Variants in OTC observed in about 807,000 individuals in gnomAD.
OTC encodes ornithine transcarbamylase, mitochondrial.
Under a neutral mutation model 30.3 loss-of-function variants are expected in OTC, and 3 were observed. The ratio of observed to expected loss-of-function variants is 0.10; its 90% CI spans 0.05 to 0.26. OTC has a LOEUF of 0.26. Ranked by LOEUF, OTC falls within the 10% of genes least tolerant of loss-of-function variation. The pLI, the probability that OTC is intolerant of heterozygous loss-of-function variation, is 1.00. For missense variants in OTC, 194 were observed against 260.3 expected, an observed-to-expected ratio of 0.75 and a Z score of 1.75; for synonymous variants, 111 against 99.7, an observed-to-expected ratio of 1.11 and a Z score of -0.67.
At chrX:38,377,961 C>T (rs769678677) in intron 3 of OTC, among the ~76,000 whole-genome samples, 8 of 109,570 alleles carry the variant, frequency 7.3e-5, no homozygotes, top group Non-Finnish European at 1.1e-4. Flanking sequence ...CTCAGCCTCC[C>T]GAGTAGCTGG....
At chrX:38,412,990 G>T (rs1352221158) in intron 9 of OTC, among the ~76,000 whole-genome samples, 1 of 111,866 alleles carries the variant, frequency 8.9e-6, no homozygotes, top group Non-Finnish European at 1.9e-5. Flanking sequence ...AGCTGAAATA[G>T]ATTTCTCTAC....
intron 9 of OTC, among the ~76,000 whole-genome samples, chrX:38,413,665 AT>A (rs11397097): frequency 0.062 from 5,975 of 97,088 alleles, 442 homozygotes; most frequent in African/African-American, 0.21. Context: ...TGGCACATCT[AT>A]TTTTTTTTTT....
chrX:38,392,821 C>G (rs772045512), intron 4 of OTC, among the ~76,000 whole-genome samples: 13 of 112,253 alleles, frequency 1.2e-4, no homozygotes, highest in Admixed American at 4.7e-4. Flanking sequence ...CCCTTTTGCC[C>G]ACAGGTGCTT....
intron 5 of OTC, 45 bp from the exon 6 acceptor site, chrX:38,403,573 C>T: frequency 3.4e-6 from 4 of 1,192,909 alleles, no homozygotes; most frequent in East Asian, 5.9e-5. Context: ...TACACATAAG[C>T]GAATTTACGC....
At chrX:38,412,125 T>C (rs1394599435) in intron 9 of OTC, 126 bp downstream of exon 9, 4 of 597,164 alleles carry the variant, frequency 6.7e-6, no homozygotes, top group African/African-American at 5.8e-5. Flanking sequence ...GTAACATCTA[T>C]TTTTTTCCAG....
intron 8 of OTC, 152 bp downstream of exon 8, chrX:38,409,177 C>A: frequency 1.6e-6 from 1 of 618,386 alleles, no homozygotes; most frequent in Non-Finnish European, 2.6e-6. Flanking sequence ...TCTCTCCTTC[C>A]AAAGATTAGC....
intron 4 of OTC, 27 bp from the exon 5 acceptor site, chrX:38,401,248 G>T: frequency 8.8e-7 from 1 of 1,141,458 alleles, no homozygotes; most frequent in Non-Finnish European, 1.2e-6. Flanking sequence ...AATTATCTTA[G>T]ATTATCTTTT....
At chrX:38,386,914 C>A (rs984767849) in intron 4 of OTC, among the ~76,000 whole-genome samples, 12 of 112,284 alleles carry the variant, frequency 1.1e-4, no homozygotes, top group African/African-American at 3.9e-4. Flanking sequence ...ACATCACCAC[C>A]AATGGTGTGG....
intron 5 of OTC, among the ~76,000 whole-genome samples, chrX:38,403,344 C>T (rs956405499): frequency 9.0e-6 from 1 of 111,653 alleles, no homozygotes; most frequent in African/African-American, 3.3e-5. Context: ...TGAGTGAATA[C>T]AACTAAGACT....
upstream of OTC, among the ~76,000 whole-genome samples, chrX:38,347,754 CATTTT>C (rs1313164787): frequency 2.7e-5 from 3 of 111,579 alleles, no homozygotes; most frequent in African/African-American, 9.8e-5. Flanking sequence ...CATAATAACT[CATTTT>C]ATTTAGTTGG....
intron 9 of OTC, among the ~76,000 whole-genome samples, chrX:38,412,411 G>A (rs1015400776): frequency 9.0e-6 from 1 of 111,655 alleles, no homozygotes; most frequent in African/African-American, 3.3e-5. Context: ...CTCATTCCAT[G>A]CCTTACTTTA....
At chrX:38,386,605 T>C (rs1370163226) in intron 4 of OTC, among the ~76,000 whole-genome samples, 1 of 111,146 alleles carries the variant, frequency 9.0e-6, no homozygotes, top group African/African-American at 3.3e-5. Context: ...TTCTCCGCGT[T>C]CGTTCGTGAT....
At chrX:38,404,274 G>C (rs975897167) in intron 6 of OTC, among the ~76,000 whole-genome samples, 2 of 112,107 alleles carry the variant, frequency 1.8e-5, no homozygotes, top group Admixed American at 9.4e-5. Flanking sequence ...AATGACCCCT[G>C]CATACTTCCT....
At chrX:38,383,414 A>G (rs180735184) in intron 4 of OTC, among the ~76,000 whole-genome samples, 1 of 112,235 alleles carries the variant, frequency 8.9e-6, no homozygotes, top group Admixed American at 9.4e-5. Flanking sequence ...GTTTAAATCA[A>G]GCTGTCTTTA....
intron 4 of OTC, among the ~76,000 whole-genome samples, chrX:38,400,821 G>A (rs1413433498): frequency 8.9e-6 from 1 of 112,861 alleles, no homozygotes; most frequent in African/African-American, 3.2e-5. Context: ...GTTCTCTTCT[G>A]TAGGGCGATC....
chrX:38,370,690 G>A (rs2068318950), intron 3 of OTC, among the ~76,000 whole-genome samples: 2 of 111,262 alleles, frequency 1.8e-5, no homozygotes, highest in South Asian at 7.7e-4. Flanking sequence ...CAATCTGAGA[G>A]GCGGGAAGAC....
chrX:38,356,796 T>C (rs1454980695), intron 1 of OTC, among the ~76,000 whole-genome samples: 1 of 111,751 alleles, frequency 8.9e-6, no homozygotes, highest in Non-Finnish European at 1.9e-5. Flanking sequence ...GGCTGCCCCT[T>C]GTCTCTATCA....
the OTC span, among the ~76,000 whole-genome samples, chrX:38,345,266 G>C: frequency 8.9e-6 from 1 of 111,897 alleles, no homozygotes; most frequent in Non-Finnish European, 1.9e-5. Flanking sequence ...TCATTGCTGG[G>C]CATAGGCTGA....
downstream of OTC, among the ~76,000 whole-genome samples, chrX:38,422,245 G>T (rs2068599446): frequency 8.9e-6 from 1 of 112,027 alleles, no homozygotes; most frequent in South Asian, 3.7e-4. Context: ...TTACAAATTA[G>T]ATTTGCAATG....
Sources: allele counts gnomAD v4.1 joint callset (sites outside exome capture counted in the v4.1 genomes callset), GRCh38; gene constraint gnomAD v4.1.1; transcripts MANE v1.5; gene names NCBI Gene and HGNC (gene_info 2026-07-23, HGNC 2026-07-21).